Variants in MAEL observed in about 807,000 individuals in gnomAD.
MAEL encodes the protein maelstrom spermatogenic transposon silencer.
MAEL carries 46 observed loss-of-function variants against 62.0 expected under a neutral mutation model. The ratio of observed to expected loss-of-function variants is 0.74; its 90% CI spans 0.59 to 0.95. MAEL has a LOEUF of 0.95. Among genes scored for constraint, MAEL ranks in the 40% least tolerant of loss-of-function variants. The pLI, the probability that MAEL is intolerant of heterozygous loss-of-function variation, is 0.00. For synonymous variants in MAEL, 172 were observed against 175.5 expected (o/e 0.98, Z 0.16); for missense variants, 497 against 526.8 (o/e 0.94, Z 0.55).
chr1:166,994,666 A>ATT lies in MAEL; in HGVS notation c.523+618_523+619dup, dbSNP rs35009494. 8.3e-3 allele frequency among the ~76,000 whole-genome samples: 991 copies of ATT among 119,524 alleles called. 21 individuals are homozygous for ATT. Among genetic ancestry groups the ATT allele is most frequent in the African/African-American group, 0.021 (625 of 29,970 alleles). 78.4% of individuals were successfully genotyped at this position (119,524 alleles called of 152,430 possible). A position where few individuals can be genotyped will look rare whatever the true frequency, so the allele number is the denominator to read the frequency against. ...TTTAATGATTCCTGTCTGTAAGGTA[A>ATT]TTTTTTTTTTTTTTTTTTTTTTGAG... On this transcript the variant is annotated intron_variant, in intron 5 of 11. Coordinates refer to ENST00000367872, the MANE Select transcript of MAEL (RefSeq NM_032858.3).
Position 166,989,838 on chromosome 1 carries a change from A to G in MAEL, c.225+9A>G, listed in dbSNP as rs749056013. ...GGCCCTCAGAGAAGCAGGTAAAGTT[A>G]ACGAGAGAAGAGCCGCCATCTGCCT... On this transcript the variant is annotated intron_variant, in intron 2 of 11. Transcript: ENST00000367872. 10 of 1,606,332 alleles carry G rather than the reference A, an allele frequency of 6.2e-6. No individual in the cohort carries two copies. Among genetic ancestry groups the G allele is most frequent in the Non-Finnish European group, 8.5e-6 (10 of 1,176,712 alleles).
chr1:166,999,670 C>T (rs1261659663), intron 5 of MAEL, among the ~76,000 whole-genome samples: 1 of 152,188 alleles, frequency 6.6e-6, no homozygotes, highest in Non-Finnish European at 1.5e-5. Flanking sequence ...AAAATGAAAC[C>T]ACCTTCTGTT....
At chr1:167,006,882 C>T (rs1284987573) in intron 8 of MAEL, among the ~76,000 whole-genome samples, 5 of 151,724 alleles carry the variant, frequency 3.3e-5, no homozygotes, top group South Asian at 2.1e-4. Flanking sequence ...GTGATCCACC[C>T]GCCTCAGCCT....
At chr1:167,006,640 T>TATATACA (rs1491525744) in intron 8 of MAEL, among the ~76,000 whole-genome samples, 4 of 86,008 alleles carry the variant, frequency 4.7e-5, no homozygotes, top group East Asian at 2.8e-4. Context: ...TATATATACA[T>TATATACA]TTTTTTTTTT....
intron 8 of MAEL, among the ~76,000 whole-genome samples, chr1:167,009,571 T>A (rs78166035): frequency 8.7e-5 from 13 of 150,200 alleles, no homozygotes; most frequent in Non-Finnish European, 1.3e-4. Context: ...ATATGCAGAA[T>A]CAGGTTCTAT....
rs1664298375 is a variant in MAEL, at chr1:166,993,962, GAGTATTACTGT to G, written c.482-63_482-53del. 4 of 1,198,446 alleles carry G rather than the reference GAGTATTACTGT, an allele frequency of 3.3e-6. No individual in the cohort carries two copies. The Admixed American group carries it at 8.0e-5, about 24-fold the overall frequency. The allele number at this position is 1,198,446 out of a possible 1,614,324, so 74.2% of individuals were successfully genotyped here. On this transcript the variant is annotated intron_variant, in intron 4 of 11. Coordinates refer to ENST00000367872, the MANE Select transcript of MAEL (RefSeq NM_032858.3). ...TGTGTGATAACTTGGTCATCTTGTA[GAGTATTACTGT>G]AGCACTAGAGAACTTTAAAATTTTT...
Position 167,021,685 on chromosome 1 carries a change from G to T in MAEL, c.1135G>T (p.Ala379Ser). 6.2e-7 allele frequency: 1 copy of T among 1,605,434 alleles called. No homozygotes were observed. Among genetic ancestry groups the T allele is most frequent in the South Asian group, 1.1e-5 (1 of 88,992 alleles). Residue 379 changes from alanine to serine, a missense_variant, in exon 12 of 12, where the codon GCA becomes TCA. By Grantham distance (99) the Ala-to-Ser change is moderately conservative. Transcript: ENST00000367872. ...TATCCTAGGTGACTACCCATCTAGG[G>T]CAAAAATTTCTGGCCAAAACAGCAG... ...NTPIGDYPSR[A>S]KISGQNSSVR... is the part of the protein sequence containing the mutation.
chr1:167,002,324 AT>A (rs1664704233), intron 5 of MAEL, among the ~76,000 whole-genome samples: 1 of 152,236 alleles, frequency 6.6e-6, no homozygotes, highest in South Asian at 2.1e-4. Context: ...CTCTACAGAA[AT>A]TACTAATATT....
chr1:166,985,632 TAA>T (rs1236796686), upstream of MAEL, among the ~76,000 whole-genome samples: 1 of 152,074 alleles, frequency 6.6e-6, no homozygotes, highest in Non-Finnish European at 1.5e-5. Context: ...AAAGTAAGCC[TAA>T]AAAGAGTGAA....
intron 10 of MAEL, among the ~76,000 whole-genome samples, chr1:167,019,513 A>G (rs1035417316): frequency 6.6e-6 from 1 of 152,030 alleles, no homozygotes. Context: ...GTTATCAGCA[A>G]AATTTCAGGT....
chr1:167,004,186 C>A lies in MAEL; in HGVS notation c.530C>A (p.Ser177Tyr), dbSNP rs532462606. 1 of 1,606,822 alleles carries A rather than the reference C, an allele frequency of 6.2e-7. No individual in the cohort carries two copies. Reference sequence around the variant, plus strand: ...TCCTTTTTATTTCCCTCAGGTGATTCTAGTCACAAGATTCCTATTTCAAAT... The same window carrying A: ...TCCTTTTTATTTCCCTCAGGTGATTATAGTCACAAGATTCCTATTTCAAAT... Reference protein sequence around the residue: ...FRFHCQAASDSSHKIPISNFE... With the variant: ...FRFHCQAASDYSHKIPISNFE... Residue 177 changes from serine (S) to tyrosine (Y), a missense_variant, in exon 6 of 12, where the codon TCT becomes TAT. Coordinates refer to ENST00000367872, the MANE Select transcript of MAEL (RefSeq NM_032858.3).
intron 5 of MAEL, among the ~76,000 whole-genome samples, chr1:167,002,312 G>A (rs1664703248): frequency 6.6e-6 from 1 of 152,012 alleles, no homozygotes; most frequent in South Asian, 2.1e-4. Context: ...TCTTTTTTAT[G>A]GCTCTACAGA....
In MAEL at chr1:166,989,766, C is replaced by G; in HGVS notation, c.162C>G (p.Tyr54Ter). 3 of 1,613,898 alleles carry G rather than the reference C, an allele frequency of 1.9e-6. No individual in the cohort carries two copies. The highest frequency in any genetic ancestry group is 2.2e-5 in the East Asian group (1 of 44,868). The change falls in exon 2 of 12, where the codon TAC (tyrosine) becomes TAG (stop). Residue 54 changes from tyrosine to a stop codon, truncating the protein, a stop_gained. Transcript: ENST00000367872. LOFTEE classifies it high-confidence loss of function. ...ALLREEEKEKYAEMAREWRAA... is the reference protein window; with the variant it reads ...ALLREEEKEK ...TGAGGGAGGAAGAAAAGGAGAAATA[C>G]GCAGAAATGGCTCGAGAATGGAGGG...
chr1:166,997,575 G>A (rs753081029), intron 5 of MAEL, among the ~76,000 whole-genome samples: 4 of 152,090 alleles, frequency 2.6e-5, no homozygotes, highest in Non-Finnish European at 4.4e-5. Context: ...TATTGCCCAG[G>A]CTGGAGCATG....
chr1:167,009,748 G>C (rs1011215549), intron 8 of MAEL, among the ~76,000 whole-genome samples: 1 of 151,754 alleles, frequency 6.6e-6, no homozygotes, highest in African/African-American at 2.4e-5. Flanking sequence ...TCTCATGATA[G>C]TTTCTGCTTT....
At chr1:167,020,270 C>T (rs1392593442) in intron 10 of MAEL, among the ~76,000 whole-genome samples, 1 of 152,154 alleles carries the variant, frequency 6.6e-6, no homozygotes, top group Non-Finnish European at 1.5e-5. Context: ...ATCTTTTCCA[C>T]TGCCTTGCAT....
chr1:167,011,424 T>G (rs1238863208), intron 8 of MAEL, among the ~76,000 whole-genome samples: 1 of 152,202 alleles, frequency 6.6e-6, no homozygotes. Flanking sequence ...TACCATTACC[T>G]CAGTTACAGG....
In MAEL at chr1:167,005,243, T is replaced by G. The variant is rs767488959; in HGVS notation, c.704-13T>G. 1 of 1,611,910 alleles carries G rather than the reference T, an allele frequency of 6.2e-7. No individual in the cohort carries two copies. The highest frequency in any genetic ancestry group is 1.3e-5 in the African/African-American group (1 of 74,726). ...TTACTAATTGTATGTGTTTTTCCAT[T>G]TACTAATGGAAGAAATCAGGCAAGA... is the stretch of plus-strand genomic sequence containing the variant. On this transcript the variant is annotated splice_polypyrimidine_tract_variant and intron_variant, in intron 7 of 11. Transcript: ENST00000367872.
intron 8 of MAEL, 63 bp from the exon 9 acceptor site, chr1:167,016,159 C>G: frequency 7.5e-7 from 1 of 1,341,660 alleles, no homozygotes; most frequent in Non-Finnish European, 1.1e-6. Flanking sequence ...AGAAATCTGG[C>G]ATATAAAAAC....
Sources: gnomAD v4.1 joint callset for allele counts (sites outside exome capture counted in the v4.1 genomes callset) on GRCh38, gnomAD v4.1.1 for gene constraint, MANE v1.5 for transcripts, NCBI Gene and HGNC (gene_info 2026-07-23, HGNC 2026-07-21) for gene names.